The following PALLD variants were observed in gnomAD, a reference collection of about 807,000 sequenced individuals.
PALLD encodes the protein palladin, cytoskeletal associated protein.
In PALLD, 61 loss-of-function variants were observed where a neutral mutation model predicts 123.5. That is an observed-to-expected ratio of 0.49 (90% CI 0.40 to 0.61). The LOEUF is 0.61. Among genes scored for constraint, PALLD ranks in the 20% least tolerant of loss-of-function variants. The pLI is 0.00. For missense variants in PALLD, 1,273 were observed against 1,377.0 expected, an observed-to-expected ratio of 0.92 and a Z score of 1.20; for synonymous variants, 465 against 496.4, an observed-to-expected ratio of 0.94 and a Z score of 0.84.
At chr4:168,784,089 T>C (rs927248391) in intron 10 of PALLD, among the ~76,000 whole-genome samples, 1 of 151,908 alleles carries the variant, frequency 6.6e-6, no homozygotes, top group African/African-American at 2.4e-5. Context: ...CTACAGAATA[T>C]TAAAAAAAAT....
chr4:168,761,626 AT>A (rs1373679877), intron 10 of PALLD, among the ~76,000 whole-genome samples: 3 of 67,214 alleles, frequency 4.5e-5, no homozygotes, highest in African/African-American at 1.0e-4. Flanking sequence ...ACGCCCAGCT[AT>A]TTTTGTTGTT....
intron 2 of PALLD, among the ~76,000 whole-genome samples, chr4:168,593,533 C>T (rs555590033): frequency 6.6e-6 from 1 of 152,196 alleles, no homozygotes; most frequent in South Asian, 2.1e-4. Context: ...CAACCTCAGG[C>T]TTTCCCACCC....
chr4:168,905,067 C>T (rs1401530278), intron 15 of PALLD, among the ~76,000 whole-genome samples: 2 of 150,282 alleles, frequency 1.3e-5, no homozygotes, highest in East Asian at 3.9e-4. Context: ...GCGGAGGTTT[C>T]AGTGAGCCAA....
intron 2 of PALLD, among the ~76,000 whole-genome samples, chr4:168,550,729 T>C (rs983400804): frequency 2.6e-5 from 4 of 152,182 alleles, no homozygotes; most frequent in African/African-American, 7.2e-5. Flanking sequence ...TTAGTCTCAC[T>C]TATAGGGGGT....
At chr4:168,632,901 C>G (rs1775974122) in intron 2 of PALLD, among the ~76,000 whole-genome samples, 1 of 152,148 alleles carries the variant, frequency 6.6e-6, no homozygotes, top group Admixed American at 6.5e-5. Context: ...AGTCACCTTT[C>G]ACTTCACTGG....
At chr4:168,538,855 G>T (rs537065069) in intron 2 of PALLD, among the ~76,000 whole-genome samples, 1 of 152,320 alleles carries the variant, frequency 6.6e-6, no homozygotes, top group Non-Finnish European at 1.5e-5. Context: ...GTCTGTTACA[G>T]TCATTGTGTC....
At chr4:168,810,591 C>T (rs1409713087) in intron 10 of PALLD, among the ~76,000 whole-genome samples, 1 of 150,816 alleles carries the variant, frequency 6.6e-6, no homozygotes, top group African/African-American at 2.4e-5. Context: ...TGCAGTGAGC[C>T]GAGATCGCAC....
intron 2 of PALLD, among the ~76,000 whole-genome samples, chr4:168,644,868 C>T (rs1162732209): frequency 2.0e-5 from 3 of 151,988 alleles, no homozygotes; most frequent in Non-Finnish European, 2.9e-5. Context: ...TTTGGAAGGC[C>T]GAGGCAGGCG....
intron 10 of PALLD, among the ~76,000 whole-genome samples, chr4:168,748,124 T>C (rs1581255183): frequency 6.6e-6 from 1 of 152,314 alleles, no homozygotes; most frequent in East Asian, 1.9e-4. Context: ...ATTTGAAAAA[T>C]ATATATTTTG....
intron 14 of PALLD, among the ~76,000 whole-genome samples, chr4:168,902,346 T>C (rs1756702738): frequency 6.6e-6 from 1 of 152,210 alleles, no homozygotes; most frequent in African/African-American, 2.4e-5. Context: ...AAGGTTTATT[T>C]GCTTATCTAG....
Position 168,512,343 on chromosome 4 carries a change from A to C in PALLD, c.839A>C (p.Gln280Pro), listed in dbSNP as rs546176640. The change falls in exon 2 of 22, where the codon CAA becomes CCA. Residue 280 changes from glutamine to proline, a missense_variant. Physicochemically the swap from Gln to Pro is moderately conservative, Grantham distance 76. Around this residue, in one of 2 missense-constraint regions of PALLD, gnomAD observed 944 missense variants for 954.5 expected, o/e 0.99. Transcript: ENST00000505667. ...APRFIQKLRS[Q>P]EVAEGSRVYL... The stretch of plus-strand genomic sequence containing the variant: ...CGATTCATCCAAAAGCTGAGGAGCC[A>C]AGAAGTAGCAGAAGGGAGCCGAGTT... 3.1e-6 allele frequency: 5 copies of C among 1,614,154 alleles called. No homozygotes were observed. The highest frequency in any genetic ancestry group is 2.7e-5 in the African/African-American group (2 of 75,066).
chr4:168,612,808 G>T lies in PALLD; in HGVS notation c.909-55382G>T, dbSNP rs145329352. On this transcript the variant is annotated intron_variant, in intron 2 of 21. Coordinates refer to ENST00000505667, the MANE Select transcript of PALLD (RefSeq NM_001166108.2). ...AAACTTCCTGAAAATCTTCTCCCAG[G>T]GTCCTGGAGGCAAAAAGGGCAGTGC... 2.1e-3 allele frequency among the ~76,000 whole-genome samples: 322 copies of T among 152,262 alleles called. 3 individuals carry two copies. The highest frequency in any genetic ancestry group is 7.4e-3 in the African/African-American group (306 of 41,558).
intron 10 of PALLD, among the ~76,000 whole-genome samples, chr4:168,744,186 C>A (rs1392981566): frequency 7.5e-6 from 1 of 132,888 alleles, no homozygotes; most frequent in Non-Finnish European, 1.6e-5. Context: ...AGAGCCTAAC[C>A]TCTGGGGTGA....
chr4:168,919,242 C>T (rs891874379), intron 17 of PALLD, among the ~76,000 whole-genome samples: 3 of 151,994 alleles, frequency 2.0e-5, no homozygotes, highest in Non-Finnish European at 2.9e-5. Context: ...TGTGAAAAAT[C>T]GGCCAGGCAC....
At chr4:168,790,399 A>G (rs141019649) in intron 10 of PALLD, among the ~76,000 whole-genome samples, 1 of 151,382 alleles carries the variant, frequency 6.6e-6, no homozygotes, top group African/African-American at 2.4e-5. Context: ...TGACCTCATG[A>G]TCTGCCCACC....
chr4:168,747,300 C>T (rs1219330872), intron 10 of PALLD, among the ~76,000 whole-genome samples: 8 of 152,208 alleles, frequency 5.3e-5, no homozygotes, highest in Non-Finnish European at 1.2e-4. Context: ...GAGGCTGAGG[C>T]AGTAGGCAAG....
At chr4:168,924,487 T>A in intron 19 of PALLD, 67 bp downstream of exon 19, 2 of 1,365,602 alleles carry the variant, frequency 1.5e-6, no homozygotes, top group Non-Finnish European at 2.1e-6. Context: ...AAAGATACAT[T>A]TTATATAGCA....
chr4:168,667,106 G>A (rs1452491423), intron 2 of PALLD, among the ~76,000 whole-genome samples: 2 of 152,148 alleles, frequency 1.3e-5, no homozygotes, highest in Non-Finnish European at 2.9e-5. Context: ...GATACTCAGA[G>A]TATTAGCAAA....
At chr4:168,914,907 T>C (rs1281371388) in intron 16 of PALLD, among the ~76,000 whole-genome samples, 1 of 152,214 alleles carries the variant, frequency 6.6e-6, no homozygotes, top group African/African-American at 2.4e-5. Flanking sequence ...AGAGCATGTG[T>C]AGATTTAATT....
Sources: gnomAD v4.1 joint callset for allele counts (sites outside exome capture counted in the v4.1 genomes callset) on GRCh38, gnomAD v4.1.1 for gene constraint, gnomAD v4.1.1 regional missense constraint, MANE v1.5 for transcripts, NCBI Gene and HGNC (gene_info 2026-07-23, HGNC 2026-07-21) for gene names.